RCL1: variants seen among roughly 807,000 people sequenced by gnomAD.
RCL1 encodes the protein RNA 3'-terminal phosphate cyclase-like protein.
RCL1 carries 24 observed loss-of-function variants against 42.4 expected under a neutral mutation model. That is an observed-to-expected ratio of 0.57 (90% CI 0.41 to 0.80). The LOEUF (loss-of-function observed/expected upper bound fraction) is 0.80. Ranked by LOEUF, RCL1 falls within the 30% of genes least tolerant of loss-of-function variation. RCL1 has a pLI of 0.00. For synonymous variants in RCL1, 228 were observed against 177.3 expected (o/e 1.29, Z -2.27); for missense variants, 578 against 467.9 (o/e 1.24, Z -2.17).
At chr9:4,815,494 G>T (rs1816341057) in intron 1 of RCL1, among the ~76,000 whole-genome samples, 1 of 151,352 alleles carries the variant, frequency 6.6e-6, no homozygotes, top group Non-Finnish European at 1.5e-5. Context: ...ATTTATCCAG[G>T]AAGCATCAGA....
intron 8 of RCL1, among the ~76,000 whole-genome samples, chr9:4,850,903 A>T (rs981241032): frequency 6.6e-6 from 1 of 152,078 alleles, no homozygotes; most frequent in African/African-American, 2.4e-5. Flanking sequence ...GGCCTGGGGA[A>T]GTCCTGCTTG....
chr9:4,852,130 C>T (rs980519159), intron 8 of RCL1, among the ~76,000 whole-genome samples: 10 of 152,200 alleles, frequency 6.6e-5, no homozygotes, highest in Non-Finnish European at 1.3e-4. Context: ...GTCCACCCGC[C>T]TTGGCCTCCC....
chr9:4,824,374 A>ATTT (rs71326141), intron 2 of RCL1, among the ~76,000 whole-genome samples: 28 of 120,260 alleles, frequency 2.3e-4, no homozygotes, highest in Admixed American at 5.4e-4. Context: ...TTCAGCCAGC[A>ATTT]TTTTTTTTTT....
At chr9:4,849,107 G>T (rs211535) in intron 7 of RCL1, among the ~76,000 whole-genome samples, 39,291 of 128,758 alleles carry the variant, frequency 0.31, 6,106 homozygotes, top group Non-Finnish European at 0.38. Context: ...TTTTTTTTTT[G>T]CATATACTCA....
chr9:4,797,681 G>C (rs1382249780), intron 1 of RCL1, among the ~76,000 whole-genome samples: 2 of 152,210 alleles, frequency 1.3e-5, no homozygotes, highest in African/African-American at 4.8e-5. Flanking sequence ...CTTGACAGTA[G>C]TAATTAAACC....
chr9:4,829,325 G>T (rs1268457121), intron 3 of RCL1, among the ~76,000 whole-genome samples: 3 of 152,168 alleles, frequency 2.0e-5, no homozygotes, highest in Non-Finnish European at 2.9e-5. Flanking sequence ...GGGGCAGATA[G>T]GACAACTAAT....
rs141701116 is a variant in RCL1 at position 4,823,666 on chromosome 9, T to C, written c.208+47T>C. 34 of 1,294,452 alleles carry C rather than the reference T, an allele frequency of 2.6e-5. No individual in the cohort carries two copies. The African/African-American group carries it at 4.0e-4, about 15-fold the overall frequency. 80.2% of individuals were successfully genotyped at this position (1,294,452 alleles called of 1,614,324 possible). ...AAAAGCACCTCCATGCACTAAAGCA[T>C]TCCTGTTTCTCACTCTTTTTTTTCT... On this transcript the variant is annotated intron_variant, in intron 2 of 8. Coordinates refer to ENST00000381750, the MANE Select transcript of RCL1 (RefSeq NM_005772.5).
At chr9:4,806,017 G>GGGGTGTGTGT (rs1554636232) in intron 1 of RCL1, among the ~76,000 whole-genome samples, 6 of 142,740 alleles carry the variant, frequency 4.2e-5, no homozygotes, top group Admixed American at 1.4e-4. Flanking sequence ...ATACCATTGG[G>GGGGTGTGTGT]GTGTGTGTGT....
chr9:4,854,802 A>T (rs567458698), intron 8 of RCL1, among the ~76,000 whole-genome samples: 2 of 152,128 alleles, frequency 1.3e-5, no homozygotes, highest in Non-Finnish European at 2.9e-5. Flanking sequence ...CACACCTGTA[A>T]TCCCAGCACT....
chr9:4,828,040 G>A (rs1030196180), intron 3 of RCL1, among the ~76,000 whole-genome samples: 2 of 152,006 alleles, frequency 1.3e-5, no homozygotes, highest in African/African-American at 4.8e-5. Context: ...CAAAAAATTA[G>A]CCAGGCATGG....
At chr9:4,850,287 A>G (rs759263836) in intron 8 of RCL1, 1 of 533,210 alleles carries the variant, frequency 1.9e-6, no homozygotes, top group African/African-American at 1.9e-5. Flanking sequence ...TCAGGTAGAT[A>G]TGAGACTGAA....
chr9:4,827,329 G>C, intron 3 of RCL1: 1 of 1,159,142 alleles, frequency 8.6e-7, no homozygotes, highest in African/African-American at 1.6e-5. Flanking sequence ...AGTTCTGCTG[G>C]CTGTATATGT....
At chr9:4,835,688 T>C (rs752697187) in intron 5 of RCL1, among the ~76,000 whole-genome samples, 4 of 152,248 alleles carry the variant, frequency 2.6e-5, no homozygotes, top group Admixed American at 6.5e-5. Flanking sequence ...GCCCAGGTGC[T>C]GGAGTCAGAA....
intron 8 of RCL1, among the ~76,000 whole-genome samples, chr9:4,851,752 A>G (rs544360995): frequency 1.4e-5 from 2 of 144,538 alleles, no homozygotes; most frequent in Non-Finnish European, 3.1e-5. Flanking sequence ...AAAAAAAAGC[A>G]TTTCTTCAAG....
At chr9:4,840,764 G>A (rs572406414) in intron 5 of RCL1, among the ~76,000 whole-genome samples, 53 of 152,134 alleles carry the variant, frequency 3.5e-4, no homozygotes, top group Non-Finnish European at 3.7e-4. Context: ...AGTCAGATTG[G>A]GATCGCCCAG....
chr9:4,846,413 G>A (rs916079124), intron 7 of RCL1, among the ~76,000 whole-genome samples: 1 of 152,154 alleles, frequency 6.6e-6, no homozygotes, highest in Middle Eastern at 3.2e-3. Context: ...GTCACGATCT[G>A]GCCTCAGATG....
chr9:4,846,690 G>A (rs1433515056), intron 7 of RCL1, among the ~76,000 whole-genome samples: 1 of 152,026 alleles, frequency 6.6e-6, no homozygotes, highest in African/African-American at 2.4e-5. Flanking sequence ...CTCTAACTAT[G>A]GGGACACTTC....
At chr9:4,805,928 T>C (rs980455909) in intron 1 of RCL1, among the ~76,000 whole-genome samples, 2 of 152,166 alleles carry the variant, frequency 1.3e-5, no homozygotes, top group East Asian at 1.9e-4. Context: ...TTTGTAAATA[T>C]GTTGTTTTTT....
chr9:4,793,054 GC>G lies in RCL1; in HGVS notation c.-37del. 1 of 1,584,342 alleles carries G rather than the reference GC, an allele frequency of 6.3e-7. No individual in the cohort carries two copies. Among genetic ancestry groups the G allele is most frequent in the Non-Finnish European group, 8.6e-7 (1 of 1,163,928 alleles). On this transcript the variant is annotated 5_prime_UTR_variant, in exon 1 of 9. Transcript: ENST00000381750. Reference sequence around the variant, plus strand: ...AGTCCCGCGTCTGTCCGAAGTCGCCGCTCTCGGGCTGCTCACGTCTCTTCGG... The same window carrying G: ...AGTCCCGCGTCTGTCCGAAGTCGCCGTCTCGGGCTGCTCACGTCTCTTCGG...
Sources: allele counts gnomAD v4.1 joint callset (sites outside exome capture counted in the v4.1 genomes callset), GRCh38; gene constraint gnomAD v4.1.1; transcripts MANE v1.5; gene names NCBI Gene and HGNC (gene_info 2026-07-23, HGNC 2026-07-21).